Variants in OPCML observed in about 807,000 individuals in gnomAD.
OPCML encodes opioid binding protein/cell adhesion molecule like, also known as opioid-binding protein/cell adhesion molecule.
In OPCML, 13 loss-of-function variants were observed where a neutral mutation model predicts 37.8. The observed-to-expected ratio is 0.34, with a 90% CI of 0.22 to 0.55. The LOEUF (loss-of-function observed/expected upper bound fraction) is 0.55. Ranked by LOEUF, OPCML falls within the 20% of genes least tolerant of loss-of-function variation. OPCML has a pLI of 0.91. For synonymous variants in OPCML, 176 were observed against 168.8 expected, an observed-to-expected ratio of 1.04 and a Z score of -0.33; for missense variants, 341 against 435.6, an observed-to-expected ratio of 0.78 and a Z score of 1.93.
intron 2 of OPCML, among the ~76,000 whole-genome samples, chr11:132,872,604 A>T (rs930611896): frequency 5.3e-5 from 8 of 152,088 alleles, no homozygotes; most frequent in African/African-American, 1.7e-4. Context: ...TATAGAAAGG[A>T]CTCTGAGGCC....
chr11:133,237,755 G>A (rs1311826041), intron 1 of OPCML, among the ~76,000 whole-genome samples: 2 of 152,158 alleles, frequency 1.3e-5, no homozygotes, highest in Admixed American at 6.5e-5. Flanking sequence ...ATATATCAGT[G>A]TGCAAACACA....
chr11:132,816,534 A>G (rs1426993741), intron 2 of OPCML, among the ~76,000 whole-genome samples: 1 of 152,210 alleles, frequency 6.6e-6, no homozygotes, highest in Non-Finnish European at 1.5e-5. Context: ...TGTTATACAA[A>G]AACAAGAAGT....
chr11:133,233,661 C>T (rs1940386804), intron 1 of OPCML, among the ~76,000 whole-genome samples: 1 of 152,120 alleles, frequency 6.6e-6, no homozygotes, highest in Admixed American at 6.5e-5. Context: ...TTTATGGCTC[C>T]TTGTTAAAAT....
chr11:132,813,473 A>G (rs1424112951), intron 2 of OPCML, among the ~76,000 whole-genome samples: 2 of 152,208 alleles, frequency 1.3e-5, no homozygotes, highest in Non-Finnish European at 2.9e-5. Flanking sequence ...TGCATGATGG[A>G]CACTACCAAT....
chr11:132,962,304 C>A (rs368295481), intron 1 of OPCML, among the ~76,000 whole-genome samples: 2 of 152,180 alleles, frequency 1.3e-5, no homozygotes, highest in African/African-American at 4.8e-5. Context: ...CAGCCAATCC[C>A]GGCCCGGGCT....
intron 1 of OPCML, among the ~76,000 whole-genome samples, chr11:133,285,983 T>C (rs1352115221): frequency 6.6e-6 from 1 of 152,092 alleles, no homozygotes; most frequent in Non-Finnish European, 1.5e-5. Context: ...CTCAAAACAA[T>C]AGTACAAGTC....
chr11:133,414,846 C>T (rs1592277474), intron 1 of OPCML, among the ~76,000 whole-genome samples: 1 of 152,278 alleles, frequency 6.6e-6, no homozygotes, highest in Non-Finnish European at 1.5e-5. Flanking sequence ...CTGTGACATC[C>T]TGACCTTGGA....
At position 132,943,174 on chromosome 11, in the gene OPCML, CGGTGCGG is replaced by C; in HGVS notation, c.62-171_62-165del. 1 of 1,594,198 alleles carries C rather than the reference CGGTGCGG, an allele frequency of 6.3e-7. No individual in the cohort carries two copies. The highest frequency in any genetic ancestry group is 8.6e-7 in the Non-Finnish European group (1 of 1,166,500). On this transcript the variant is annotated intron_variant, in intron 1 of 7. Transcript: ENST00000524381. This position sits in a 1 kb window ranked among gnomAD's most constrained non-coding sequence, Gnocchi z 4.3. ...CCCGCGCACCAGCGGGCTCGGGAAGCGGTGCGGGGAGGAGGGAAGGGGCAGAGTTCGC... is the reference window on the plus strand; with the variant it reads ...CCCGCGCACCAGCGGGCTCGGGAAGCGGAGGAGGGAAGGGGCAGAGTTCGC...
intron 1 of OPCML, among the ~76,000 whole-genome samples, chr11:133,158,576 T>G (rs1950097033): frequency 6.6e-6 from 1 of 151,828 alleles, no homozygotes; most frequent in African/African-American, 2.4e-5. Flanking sequence ...GGCGGGCGCC[T>G]GTAGTCCCAG....
At chr11:132,905,398 A>AT (rs1166781553) in intron 2 of OPCML, among the ~76,000 whole-genome samples, 1 of 151,716 alleles carries the variant, frequency 6.6e-6, no homozygotes, top group Non-Finnish European at 1.5e-5. Flanking sequence ...CGTCCGGCTA[A>AT]TTTTTTGTAT....
intron 1 of OPCML, among the ~76,000 whole-genome samples, chr11:133,041,696 C>T (rs562746244): frequency 3.9e-5 from 6 of 152,234 alleles, no homozygotes; most frequent in South Asian, 2.1e-4. Context: ...TCTATCAGCA[C>T]GATGGGACTG....
intron 2 of OPCML, among the ~76,000 whole-genome samples, chr11:132,677,054 G>T (rs1021640348): frequency 5.9e-5 from 9 of 152,130 alleles, no homozygotes; most frequent in Admixed American, 4.6e-4. Context: ...TAGCAAGGTT[G>T]CAGGATACAA....
At chr11:133,301,990 C>T (rs1415123177) in intron 1 of OPCML, 1 of 151,960 alleles carries the variant, frequency 6.6e-6, no homozygotes, top group African/African-American at 2.4e-5. Context: ...TTGTTGGAGA[C>T]ATAAAAAGCT....
chr11:132,420,117 GT>G lies in OPCML; in HGVS notation c.*75del. The G allele has an allele frequency of 8.5e-7, 1 of 1,177,716 alleles. No homozygotes were observed. Among genetic ancestry groups the G allele is most frequent in the Admixed American group, 2.4e-5 (1 of 41,870 alleles). 73.0% of individuals were successfully genotyped at this position (1,177,716 alleles called of 1,614,324 possible). Reference sequence around the variant, plus strand: ...AAAAAACAAAAAGAAGCCCAAGCTGGTTTGCTCTCCGCAGTGTAGATTAAAG... The same window carrying G: ...AAAAAACAAAAAGAAGCCCAAGCTGGTTGCTCTCCGCAGTGTAGATTAAAG... On this transcript the variant is annotated 3_prime_UTR_variant, in exon 8 of 8. Transcript: ENST00000524381.
chr11:133,195,450 T>C (rs191118155), intron 1 of OPCML, among the ~76,000 whole-genome samples: 1 of 152,228 alleles, frequency 6.6e-6, no homozygotes, highest in Non-Finnish European at 1.5e-5. Flanking sequence ...CGGAACCTCA[T>C]TCTGACTTTG....
chr11:133,254,893 C>A (rs1941260023), intron 1 of OPCML, among the ~76,000 whole-genome samples: 1 of 151,996 alleles, frequency 6.6e-6, no homozygotes, highest in Admixed American at 6.6e-5. Context: ...TTGACAAGCC[C>A]ATTAAATACA....
chr11:132,970,394 C>T (rs1565373541), intron 1 of OPCML, among the ~76,000 whole-genome samples: 1 of 151,852 alleles, frequency 6.6e-6, no homozygotes, highest in East Asian at 1.9e-4. Flanking sequence ...AATATTAGGA[C>T]AAAAAAACCC....
At chr11:133,444,668 A>G (rs111302242) in intron 1 of OPCML, among the ~76,000 whole-genome samples, 114 of 152,368 alleles carry the variant, frequency 7.5e-4, no homozygotes, top group African/African-American at 2.6e-3. Context: ...AATAATAAAT[A>G]CTAAGTCAAA....
intron 4 of OPCML, among the ~76,000 whole-genome samples, chr11:132,485,218 C>G (rs535012212): frequency 4.6e-5 from 7 of 152,230 alleles, no homozygotes; most frequent in African/African-American, 1.4e-4. Context: ...TGTCCCCCGA[C>G]TCATGACAAG....
Sources: allele counts gnomAD v4.1 joint callset (sites outside exome capture counted in the v4.1 genomes callset), GRCh38; gene constraint gnomAD v4.1.1; non-coding constraint Gnocchi (gnomAD v3.1); transcripts MANE v1.5; gene names NCBI Gene and HGNC (gene_info 2026-07-23, HGNC 2026-07-21).